PCDHGA8: variants seen among roughly 807,000 people sequenced by gnomAD.
The protein encoded by PCDHGA8 is protocadherin gamma-A8.
PCDHGA8 carries 45 observed loss-of-function variants against 59.2 expected under a neutral mutation model. That is an observed-to-expected ratio of 0.76 (90% CI 0.60 to 0.98). The LOEUF is 0.98. PCDHGA8 is among the 50% of genes least tolerant of loss of function. PCDHGA8 has a pLI of 0.00. For synonymous variants in PCDHGA8, 531 were observed against 519.0 expected (o/e 1.02, Z -0.32); for missense variants, 1,257 against 1,196.2 (o/e 1.05, Z -0.75).
At chr5:141,407,549 T>C (rs1159197129) in intron 1 of PCDHGA8, among the ~76,000 whole-genome samples, 4 of 151,912 alleles carry the variant, frequency 2.6e-5, no homozygotes, top group African/African-American at 9.7e-5. Flanking sequence ...TAACAGATTG[T>C]AGAACATAAG....
At chr5:141,483,555 C>CAG (rs1415499107) in intron 1 of PCDHGA8, among the ~76,000 whole-genome samples, 2 of 152,152 alleles carry the variant, frequency 1.3e-5, no homozygotes, top group African/African-American at 4.8e-5. Flanking sequence ...GTGCCATTCA[C>CAG]AGAGACAGTG....
intron 1 of PCDHGA8, chr5:141,413,265 T>A (rs1301684620): frequency 6.2e-7 from 1 of 1,613,840 alleles, no homozygotes; most frequent in African/African-American, 1.3e-5. Context: ...CATGGGAGGC[T>A]GGAGCCCGGC....
chr5:141,420,277 A>C, intron 1 of PCDHGA8: 1 of 1,518,166 alleles, frequency 6.6e-7, no homozygotes, highest in Non-Finnish European at 8.9e-7. Flanking sequence ...TTAAACAGGT[A>C]AGTATTTAAA....
intron 1 of PCDHGA8, chr5:141,408,288 T>C (rs755091342): frequency 6.2e-7 from 1 of 1,613,234 alleles, no homozygotes; most frequent in Non-Finnish European, 8.5e-7. Context: ...TACCCCACCC[T>C]GAGTGAGCCG....
rs530356030 is a variant in PCDHGA8 at position 141,426,463 on chromosome 5, GATTT to G, written c.2424+31230_2424+31233del. 309 of 318,428 alleles carry G rather than the reference GATTT, an allele frequency of 9.7e-4. 2 individuals are homozygous for G. Among genetic ancestry groups the G allele is most frequent in the Non-Finnish European group, 1.6e-3 (252 of 160,518 alleles). 19.7% of individuals were successfully genotyped at this position (318,428 alleles called of 1,614,324 possible). A position where few individuals can be genotyped will look rare whatever the true frequency, so the allele number is the denominator to read the frequency against. ...GGAGGACATGCGGCTGCATGTTCAGGATTTATTGACCTGAAACCTTAGAGTTAGT... is the reference window on the plus strand; with the variant it reads ...GGAGGACATGCGGCTGCATGTTCAGGATTGACCTGAAACCTTAGAGTTAGT... On this transcript the variant is annotated intron_variant, in intron 1 of 3. Transcript: ENST00000398604.
rs1408938686 is a variant in PCDHGA8 at position 141,398,777 on chromosome 5, G to A, written c.2424+3540G>A. On this transcript the variant is annotated intron_variant, in intron 1 of 3. Transcript: ENST00000398604. ...CGTTTAGTCCTGACTGCCTTGGACG[G>A]TGGACATCCACCCCTAAGCGGCACC... is the stretch of plus-strand genomic sequence containing the variant. The A allele has an allele frequency of 3.1e-6, 5 of 1,613,902 alleles. 1 individual carries two copies. The South Asian group carries it at 3.3e-5, about 11-fold the overall frequency.
chr5:141,410,788 C>A, intron 1 of PCDHGA8: 2 of 712,228 alleles, frequency 2.8e-6, no homozygotes, highest in Non-Finnish European at 4.0e-6. Context: ...GTATTTGGTT[C>A]ATAAGTTGCT....
At chr5:141,417,900 G>T (rs563876979) in intron 1 of PCDHGA8, 1 of 1,583,452 alleles carries the variant, frequency 6.3e-7, no homozygotes, top group African/African-American at 1.3e-5. Flanking sequence ...GCCGGCCCGC[G>T]GCAGGTACTA....
intron 1 of PCDHGA8, among the ~76,000 whole-genome samples, chr5:141,481,749 C>T (rs958851030): frequency 6.6e-6 from 1 of 151,976 alleles, no homozygotes; most frequent in Non-Finnish European, 1.5e-5. Context: ...GTCAGGAGTC[C>T]AAGACCAGCC....
chr5:141,410,852 T>A, intron 1 of PCDHGA8: 1 of 284,264 alleles, frequency 3.5e-6, no homozygotes. Context: ...TCTTTGTCTT[T>A]TTTTTTTTTT....
At chr5:141,409,334 G>A (rs767579166) in intron 1 of PCDHGA8, 1 of 1,613,974 alleles carries the variant, frequency 6.2e-7, no homozygotes, top group South Asian at 1.1e-5. Flanking sequence ...GGATTTCGGA[G>A]GAAATGGAGA....
intron 1 of PCDHGA8, among the ~76,000 whole-genome samples, chr5:141,457,898 A>T (rs1035775197): frequency 6.6e-6 from 1 of 151,874 alleles, no homozygotes; most frequent in Non-Finnish European, 1.5e-5. Context: ...GACTGTGTAG[A>T]CAAGGTGTGA....
At chr5:141,435,503 A>G (rs2097767522) in intron 1 of PCDHGA8, among the ~76,000 whole-genome samples, 1 of 152,170 alleles carries the variant, frequency 6.6e-6, no homozygotes, top group Non-Finnish European at 1.5e-5. Context: ...TACACTAATG[A>G]TACTAATGAT....
Position 141,393,088 on chromosome 5 carries a change from G to A in PCDHGA8, c.275G>A (p.Arg92Gln). Residue 92 changes from arginine (R) to glutamine (Q), a missense_variant, in exon 1 of 4, where the codon CGG becomes CAG. Arg to Gln is a conservative substitution (Grantham distance 43). Coordinates refer to ENST00000398604, the MANE Select transcript of PCDHGA8 (RefSeq NM_032088.2). ...TTGATCACCGCGGGCAGGATAGATC[G>A]GGAGGAGCTCTGCGCTCAGAGCCCG... is the stretch of plus-strand genomic sequence containing the variant. ...GSLITAGRID[R>Q]EELCAQSPRC... 3 of 1,613,648 alleles carry A rather than the reference G, an allele frequency of 1.9e-6. No individual in the cohort carries two copies. Among genetic ancestry groups the A allele is most frequent in the Non-Finnish European group, 2.5e-6 (3 of 1,179,910 alleles).
intron 1 of PCDHGA8, among the ~76,000 whole-genome samples, chr5:141,438,454 T>C (rs2097961593): frequency 6.6e-6 from 1 of 151,734 alleles, no homozygotes; most frequent in Admixed American, 6.6e-5. Flanking sequence ...AATACAATGC[T>C]TGAGTTCAAT....
Position 141,399,399 on chromosome 5 carries a change from C to T in PCDHGA8, c.2424+4162C>T, listed in dbSNP as rs1282174658. 1.9e-6 allele frequency: 3 copies of T among 1,613,902 alleles called. No individual in the cohort carries two copies. The Admixed American group carries it at 5.0e-5, about 27-fold the overall frequency. The stretch of plus-strand genomic sequence containing the variant: ...TCACCATCACAGCCACAGACAGGGG[C>T]AAGCCGCCCCTCTCCTCCAGCATAA... On this transcript the variant is annotated intron_variant, in intron 1 of 3. Transcript: ENST00000398604.
intron 1 of PCDHGA8, among the ~76,000 whole-genome samples, chr5:141,401,612 C>A (rs1190962219): frequency 6.6e-6 from 1 of 152,146 alleles, no homozygotes; most frequent in Non-Finnish European, 1.5e-5. Context: ...AAAAAGACAC[C>A]GGATTTGTCT....
chr5:141,499,582 T>C (rs952280239), intron 2 of PCDHGA8, among the ~76,000 whole-genome samples: 7 of 152,164 alleles, frequency 4.6e-5, no homozygotes, highest in African/African-American at 7.2e-5. Flanking sequence ...TAATGCCTTA[T>C]CTTGTTTCAC....
rs1364068033 is a variant in PCDHGA8 at position 141,490,353 on chromosome 5, G to A, written c.2425-4454G>A. 3.1e-6 allele frequency: 5 copies of A among 1,614,090 alleles called. No individual in the cohort carries two copies. The highest frequency in any genetic ancestry group is 4.2e-6 in the Non-Finnish European group (5 of 1,180,046). On this transcript the variant is annotated intron_variant, in intron 1 of 3. Transcript: ENST00000398604. This position sits in a 1 kb window ranked among gnomAD's most constrained non-coding sequence, Gnocchi z 5.4. ...CACCAGTGGGCACAGTAGTGGGGTT[G>A]TTTAATGTGCGAGACCGGGACTCAG...
Sources: allele counts gnomAD v4.1 joint callset (sites outside exome capture counted in the v4.1 genomes callset), GRCh38; gene constraint gnomAD v4.1.1; non-coding constraint Gnocchi (gnomAD v3.1); transcripts MANE v1.5; gene names NCBI Gene and HGNC (gene_info 2026-07-23, HGNC 2026-07-21).